RNGTT: variants seen among roughly 807,000 people sequenced by gnomAD.
The protein encoded by RNGTT is mRNA-capping enzyme.
In RNGTT, 33 loss-of-function variants were observed where a neutral mutation model predicts 79.3. The observed-to-expected ratio is 0.42, with a 90% CI of 0.32 to 0.56. The LOEUF (loss-of-function observed/expected upper bound fraction) is 0.56, where lower values mean the gene tolerates loss of function less well. Ranked by LOEUF, RNGTT falls within the 20% of genes least tolerant of loss-of-function variation. The pLI is 0.17. For synonymous variants in RNGTT, 222 were observed against 235.9 expected, an observed-to-expected ratio of 0.94 and a Z score of 0.54; for missense variants, 497 against 739.1, an observed-to-expected ratio of 0.67 and a Z score of 3.80.
At chr6:88,683,791 G>A (rs1342172248) in intron 13 of RNGTT, among the ~76,000 whole-genome samples, 1 of 152,144 alleles carries the variant, frequency 6.6e-6, no homozygotes, top group African/African-American at 2.4e-5. Context: ...AAGGTTGGAG[G>A]ATCACTTGAG....
intron 13 of RNGTT, among the ~76,000 whole-genome samples, chr6:88,757,364 T>C (rs1162279823): frequency 6.6e-6 from 1 of 152,204 alleles, no homozygotes; most frequent in Non-Finnish European, 1.5e-5. Flanking sequence ...ACAAAAAGCA[T>C]GATTTGGGTG....
At chr6:88,637,618 C>G (rs922991847) in intron 14 of RNGTT, among the ~76,000 whole-genome samples, 2 of 151,936 alleles carry the variant, frequency 1.3e-5, no homozygotes, top group Non-Finnish European at 2.9e-5. Context: ...AAAGGAACAC[C>G]CTATGGTTTT....
rs797012684 is a variant in RNGTT, at chr6:88,674,958, C to T, written c.1506+3395G>A. On this transcript the variant is annotated intron_variant, in intron 14 of 15. Coordinates refer to ENST00000369485, the MANE Select transcript of RNGTT (RefSeq NM_003800.5). The stretch of plus-strand genomic sequence containing the variant: ...CTAAAAATACAAAAAATTAGCCAGG[C>T]GTGGTGGTGCGAGCCTGTAATCTCA... 7.2e-5 allele frequency among the ~76,000 whole-genome samples: 11 copies of T among 151,900 alleles called. No homozygotes were observed. In the East Asian group the frequency reaches 1.6e-3, roughly 22 times the overall value.
rs552708082 is a variant in RNGTT at position 88,792,259 on chromosome 6, C to T, written c.1338+9305G>A. ...CCCTGGACCACCTAAAATCATGTCT[C>T]CTCTCACCACTGGAAGCCACATCTG... On this transcript the variant is annotated intron_variant, in intron 12 of 15. Coordinates refer to ENST00000369485, the MANE Select transcript of RNGTT (RefSeq NM_003800.5). Among the ~76,000 whole-genome samples, 3 of 152,326 alleles carry T rather than the reference C, an allele frequency of 2.0e-5. No individual in the cohort carries two copies. The East Asian group carries it at 5.8e-4, about 29-fold the overall frequency.
rs545709341 is a variant in RNGTT, at chr6:88,680,543, A to T, written c.1440-2124T>A. Among the ~76,000 whole-genome samples the T allele has an allele frequency of 1.7e-3, 253 of 152,020 alleles. 1 individual carries two copies. Among genetic ancestry groups the T allele is most frequent in the African/African-American group, 5.7e-3 (238 of 41,438 alleles). ...GATCACCTGAGGTCAGGAGTTTGAG[A>T]CCAGCCTGACCAACATGGAGAAACC... On this transcript the variant is annotated intron_variant, in intron 13 of 15. Coordinates refer to ENST00000369485, the MANE Select transcript of RNGTT (RefSeq NM_003800.5).
In RNGTT at chr6:88,843,780, G is replaced by A. The variant is rs562722108; in HGVS notation, c.1269+577C>T. 5.3e-5 allele frequency among the ~76,000 whole-genome samples: 8 copies of A among 151,046 alleles called. No individual in the cohort carries two copies. In the South Asian group the frequency reaches 6.3e-4, roughly 12 times the overall value. On this transcript the variant is annotated intron_variant, in intron 11 of 15. Coordinates refer to ENST00000369485, the MANE Select transcript of RNGTT (RefSeq NM_003800.5). ...ACCATATTGGCCAGGCTGGTCTTGAGTTCCTGACCTTGTGATCTGCCCGCC... is the reference window on the plus strand; with the variant it reads ...ACCATATTGGCCAGGCTGGTCTTGAATTCCTGACCTTGTGATCTGCCCGCC...
At chr6:88,848,752 G>A (rs892090727) in intron 10 of RNGTT, among the ~76,000 whole-genome samples, 7 of 152,070 alleles carry the variant, frequency 4.6e-5, no homozygotes, top group Non-Finnish European at 7.4e-5. Flanking sequence ...CTGATTCTGG[G>A]CAAGAGATTT....
intron 8 of RNGTT, among the ~76,000 whole-genome samples, chr6:88,868,934 G>A (rs1782269183): frequency 6.6e-6 from 1 of 152,004 alleles, no homozygotes; most frequent in Non-Finnish European, 1.5e-5. Flanking sequence ...TAATCTACAA[G>A]AAACTTGAAA....
At chr6:88,845,607 A>C (rs1380155157) in intron 10 of RNGTT, among the ~76,000 whole-genome samples, 1 of 152,142 alleles carries the variant, frequency 6.6e-6, no homozygotes, top group Non-Finnish European at 1.5e-5. Context: ...TATATTCTCC[A>C]ACCTAACATT....
At chr6:88,638,044 T>C (rs368117778) in intron 14 of RNGTT, among the ~76,000 whole-genome samples, 57 of 152,234 alleles carry the variant, frequency 3.7e-4, no homozygotes, top group African/African-American at 1.3e-3. Flanking sequence ...ATCACCCTTG[T>C]GCATTTTAAT....
chr6:88,909,860 C>T (rs1562315212), intron 4 of RNGTT, among the ~76,000 whole-genome samples: 1 of 152,028 alleles, frequency 6.6e-6, no homozygotes, highest in Non-Finnish European at 1.5e-5. Context: ...CTATCTACAA[C>T]CAAGGAACTC....
intron 13 of RNGTT, among the ~76,000 whole-genome samples, chr6:88,717,074 T>C (rs1347259381): frequency 2.0e-5 from 3 of 152,142 alleles, no homozygotes; most frequent in Non-Finnish European, 2.9e-5. Context: ...AAGTGAGAAC[T>C]TATGGTTTAG....
At chr6:88,939,111 T>C (rs1028763509) in intron 2 of RNGTT, among the ~76,000 whole-genome samples, 3 of 152,190 alleles carry the variant, frequency 2.0e-5, no homozygotes, top group Admixed American at 1.3e-4. Flanking sequence ...TATTATCTTT[T>C]GTGGGATCTT....
chr6:88,929,085 G>A lies in RNGTT; in HGVS notation c.279-12C>T. ...GGCACTCACCATGTCTAGTAATATA[G>A]AAAAAGTTTTTTTGAAAAAAGAGAT... On this transcript the variant is annotated splice_polypyrimidine_tract_variant and intron_variant, in intron 3 of 15. Transcript: ENST00000369485. The A allele has an allele frequency of 6.2e-7, 1 of 1,602,872 alleles. No homozygotes were observed. Among genetic ancestry groups the A allele is most frequent in the Non-Finnish European group, 8.5e-7 (1 of 1,174,880 alleles).
intron 14 of RNGTT, among the ~76,000 whole-genome samples, chr6:88,655,297 G>A (rs1256318090): frequency 6.6e-6 from 1 of 151,902 alleles, no homozygotes; most frequent in Non-Finnish European, 1.5e-5. Context: ...AACAATCTGA[G>A]CTTGAAATAC....
At chr6:88,667,925 A>G (rs1774479618) in intron 14 of RNGTT, among the ~76,000 whole-genome samples, 1 of 151,986 alleles carries the variant, frequency 6.6e-6, no homozygotes, top group Non-Finnish European at 1.5e-5. Flanking sequence ...AATCAGGTGT[A>G]CTCCTTCTAA....
intron 10 of RNGTT, among the ~76,000 whole-genome samples, chr6:88,846,737 G>A (rs1781496519): frequency 6.6e-6 from 1 of 150,884 alleles, no homozygotes; most frequent in South Asian, 2.1e-4. Flanking sequence ...TCCAGCCTGG[G>A]TGACAGAGGA....
chr6:88,677,790 T>C (rs1308824436), intron 14 of RNGTT, among the ~76,000 whole-genome samples: 1 of 152,086 alleles, frequency 6.6e-6, no homozygotes, highest in Non-Finnish European at 1.5e-5. Context: ...AAACATTTTT[T>C]TAATGGCAAA....
At chr6:88,694,517 C>T (rs1281499176) in intron 13 of RNGTT, among the ~76,000 whole-genome samples, 1 of 152,044 alleles carries the variant, frequency 6.6e-6, no homozygotes, top group Non-Finnish European at 1.5e-5. Flanking sequence ...AAAGTCCATA[C>T]TACCCAGTGA....
Sources: gnomAD v4.1 joint callset for allele counts (sites outside exome capture counted in the v4.1 genomes callset) on GRCh38, gnomAD v4.1.1 for gene constraint, MANE v1.5 for transcripts, NCBI Gene and HGNC (gene_info 2026-07-23, HGNC 2026-07-21) for gene names.